GCNT2: variants seen among roughly 807,000 people sequenced by gnomAD.
GCNT2 encodes N-acetyllactosaminide beta-1,6-N-acetylglucosaminyl-transferase.
GCNT2 carries 34 observed loss-of-function variants against 34.2 expected under a neutral mutation model. The observed-to-expected ratio is 1.00, with a 90% confidence interval of 0.76 to 1.32. GCNT2 has a LOEUF of 1.32. Ranked by LOEUF, GCNT2 falls within the 40% of genes most tolerant of loss-of-function variation. The pLI is 0.00. For synonymous variants in GCNT2, 212 were observed against 188.0 expected, an observed-to-expected ratio of 1.13 and a Z score of -1.04; for missense variants, 584 against 489.4, an observed-to-expected ratio of 1.19 and a Z score of -1.82.
intron 3 of GCNT2, chr6:10,585,723 G>GC: frequency 7.4e-7 from 1 of 1,346,048 alleles, no homozygotes; most frequent in South Asian, 1.6e-5. Flanking sequence ...GCTTAGCTGA[G>GC]CCTTTGCAAA....
At position 10,529,416 on chromosome 6, in the gene GCNT2, G is replaced by C. The variant is rs137853339; in HGVS notation, c.505G>C (p.Ala169Pro). The change falls in exon 3 of 5, where the codon GCT (alanine) becomes CCT (proline). Residue 169 changes from alanine to proline, a missense_variant. Ala to Pro is a conservative substitution (Grantham distance 27). Coordinates refer to ENST00000495262, the MANE Select transcript of GCNT2 (RefSeq NM_145649.5). ...CTATGGGGGGATCTCCAGGCTCCAG[G>C]CTGACCTGAACTGCCTGGAAGACCT... ...VVYGGISRLQ[A>P]DLNCLEDLVA... The C allele has an allele frequency of 6.2e-7, 1 of 1,614,104 alleles. No individual in the cohort carries two copies. Among genetic ancestry groups the C allele is most frequent in the South Asian group, 1.1e-5 (1 of 91,072 alleles).
At chr6:10,586,172 G>A (rs762030733) in intron 3 of GCNT2, 1 of 1,614,108 alleles carries the variant, frequency 6.2e-7, no homozygotes, top group East Asian at 2.2e-5. Flanking sequence ...TCTTTTTGTG[G>A]GAAAATATAT....
Position 10,570,312 on chromosome 6 carries a change from T to C in GCNT2, c.925+40476T>C, listed in dbSNP as rs116324129. Among the ~76,000 whole-genome samples, 1,490 of 152,304 alleles carry C rather than the reference T, an allele frequency of 9.8e-3. 21 individuals are homozygous for C. Among genetic ancestry groups the C allele is most frequent in the African/African-American group, 0.033 (1,373 of 41,552 alleles). On this transcript the variant is annotated intron_variant, in intron 3 of 4. Coordinates refer to ENST00000495262, the MANE Select transcript of GCNT2 (RefSeq NM_145649.5). The stretch of plus-strand genomic sequence containing the variant: ...TTTCCCCAAATCCATTTACCTTGTG[T>C]CTCCTTTTGACACCACATTTCTGGA...
At chr6:10,624,476 GC>G (rs930676592) in intron 4 of GCNT2, among the ~76,000 whole-genome samples, 7 of 152,028 alleles carry the variant, frequency 4.6e-5, no homozygotes, top group Non-Finnish European at 1.0e-4. Flanking sequence ...GGGGGAAACT[GC>G]CCCCCACGAT....
intron 3 of GCNT2, among the ~76,000 whole-genome samples, chr6:10,551,616 T>C (rs1264167709): frequency 2.0e-5 from 3 of 152,002 alleles, no homozygotes; most frequent in Non-Finnish European, 4.4e-5. Flanking sequence ...GACTAACTTT[T>C]GTATTTTTAG....
At chr6:10,530,475 TA>T (rs1323670782) in intron 3 of GCNT2, among the ~76,000 whole-genome samples, 2 of 152,222 alleles carry the variant, frequency 1.3e-5, no homozygotes, top group African/African-American at 4.8e-5. Flanking sequence ...GAAGATTTCA[TA>T]ATATTTTTGT....
chr6:10,555,958 G>A (rs1482046486), intron 3 of GCNT2: 8 of 1,030,632 alleles, frequency 7.8e-6, no homozygotes, highest in Non-Finnish European at 8.2e-6. Flanking sequence ...TAGGGGACTA[G>A]CAGGAAGCGG....
chr6:10,558,879 T>C (rs1225654700), intron 3 of GCNT2, among the ~76,000 whole-genome samples: 1 of 152,278 alleles, frequency 6.6e-6, no homozygotes, highest in East Asian at 1.9e-4. Flanking sequence ...CTTTGATCTG[T>C]TGTTTCCACC....
chr6:10,534,104 A>G (rs1468348036), intron 3 of GCNT2, among the ~76,000 whole-genome samples: 2 of 123,552 alleles, frequency 1.6e-5, no homozygotes, highest in South Asian at 2.8e-4. Flanking sequence ...TCTACTTCCT[A>G]TGTCTTCCCC....
intron 3 of GCNT2, among the ~76,000 whole-genome samples, chr6:10,574,304 G>A (rs1205760983): frequency 1.3e-5 from 2 of 152,146 alleles, no homozygotes; most frequent in Admixed American, 1.3e-4. Context: ...CAACATATAT[G>A]CATGTGCTTA....
rs576507641 is a variant in GCNT2, at chr6:10,536,864, CA to C, written c.925+7029del. ...GACTACAACCTCTGCTTCCCGGGTT[CA>C]GGCGATTCTACTACCTCAGCCTCCT... On this transcript the variant is annotated intron_variant, in intron 3 of 4. Transcript: ENST00000495262. Among the ~76,000 whole-genome samples the C allele has an allele frequency of 5.5e-4, 83 of 152,128 alleles. 3 individuals carry two copies. In the South Asian group the frequency reaches 0.017, roughly 31 times the overall value.
intron 3 of GCNT2, among the ~76,000 whole-genome samples, chr6:10,600,936 G>A (rs1391291856): frequency 1.2e-4 from 18 of 152,002 alleles, no homozygotes; most frequent in East Asian, 3.9e-4. Context: ...GACTACAGGC[G>A]CATGCCACCA....
chr6:10,562,765 C>T (rs1370863899), intron 3 of GCNT2, among the ~76,000 whole-genome samples: 1 of 151,422 alleles, frequency 6.6e-6, no homozygotes, highest in African/African-American at 2.4e-5. Context: ...GGTCCCTTTT[C>T]TACCCTGAAG....
At chr6:10,560,072 A>G (rs1018421521) in intron 3 of GCNT2, among the ~76,000 whole-genome samples, 5 of 152,188 alleles carry the variant, frequency 3.3e-5, no homozygotes, top group African/African-American at 9.7e-5. Context: ...ATAACCACAC[A>G]GCCGTTAATC....
intron 3 of GCNT2, among the ~76,000 whole-genome samples, chr6:10,557,659 TA>T (rs1176635910): frequency 3.3e-5 from 5 of 151,840 alleles, no homozygotes; most frequent in Admixed American, 6.6e-5. Flanking sequence ...GGCTAATTTT[TA>T]AAAAAAATTT....
chr6:10,580,396 T>G (rs1232610534), intron 3 of GCNT2, among the ~76,000 whole-genome samples: 4 of 152,196 alleles, frequency 2.6e-5, no homozygotes, highest in Admixed American at 2.6e-4. Flanking sequence ...CTTCCCGCAC[T>G]GTGCCTTACC....
intron 3 of GCNT2, among the ~76,000 whole-genome samples, chr6:10,552,853 T>C (rs1762541237): frequency 6.6e-6 from 1 of 152,174 alleles, no homozygotes; most frequent in Non-Finnish European, 1.5e-5. Context: ...TCATTTGACT[T>C]CTTCAATGAC....
intron 3 of GCNT2, chr6:10,556,168 G>A (rs1762691402): frequency 6.6e-6 from 9 of 1,368,732 alleles, no homozygotes; most frequent in Middle Eastern, 2.8e-4. Flanking sequence ...GAGGAGGGAA[G>A]GCTGGGCTTC....
At chr6:10,584,551 G>GGCC (rs1764258408) in intron 3 of GCNT2, among the ~76,000 whole-genome samples, 1 of 152,148 alleles carries the variant, frequency 6.6e-6, no homozygotes, top group Non-Finnish European at 1.5e-5. Flanking sequence ...CTTCCCACGA[G>GGCC]GCCGTATCTC....
Sources: gnomAD v4.1 joint callset for allele counts (sites outside exome capture counted in the v4.1 genomes callset) on GRCh38, gnomAD v4.1.1 for gene constraint, MANE v1.5 for transcripts, NCBI Gene and HGNC (gene_info 2026-07-23, HGNC 2026-07-21) for gene names.